KIRREL3: variants seen among roughly 807,000 people sequenced by gnomAD.
KIRREL3 encodes the protein kirre like nephrin family adhesion molecule 3, also known as kin of IRRE-like protein 3.
A neutral mutation model predicts 89.7 loss-of-function variants in KIRREL3; 36 were observed. The observed-to-expected ratio is 0.40, with a 90% CI of 0.31 to 0.53. The LOEUF is 0.53. Ranked by LOEUF, KIRREL3 falls within the 20% of genes least tolerant of loss-of-function variation. KIRREL3 has a pLI of 0.49. For synonymous variants in KIRREL3, 445 were observed against 441.4 expected (o/e 1.01, Z -0.10); for missense variants, 864 against 1,056.6 (o/e 0.82, Z 2.53).
intron 2 of KIRREL3, among the ~76,000 whole-genome samples, chr11:126,552,901 G>GAA (rs1210889107): frequency 6.6e-6 from 1 of 151,742 alleles, no homozygotes; most frequent in Non-Finnish European, 1.5e-5. Context: ...GGGAAAGAAA[G>GAA]AAAAAAATAG....
Position 126,740,932 on chromosome 11 carries a change from A to G in KIRREL3, c.56-178020T>C, listed in dbSNP as rs909658768. 6.6e-6 allele frequency among the ~76,000 whole-genome samples: 1 copy of G among 152,156 alleles called. No individual in the cohort carries two copies. The highest frequency in any genetic ancestry group is 6.5e-5 in the Admixed American group (1 of 15,268). ...GTAGAGTGAGTGACAAGGTTCTTGG[A>G]AATATCATCAGATAGTGCTTACTTT... On this transcript the variant is annotated intron_variant, in intron 1 of 16. Coordinates refer to ENST00000525144, the MANE Select transcript of KIRREL3 (RefSeq NM_032531.4). This position sits in a 1 kb window ranked among gnomAD's most constrained non-coding sequence, Gnocchi z 6.0.
intron 1 of KIRREL3, among the ~76,000 whole-genome samples, chr11:126,599,124 T>A (rs1312803539): frequency 6.6e-6 from 1 of 152,226 alleles, no homozygotes; most frequent in Non-Finnish European, 1.5e-5. Flanking sequence ...ATCTGCTGTT[T>A]CAAGCTGCTA....
chr11:126,588,223 A>T (rs1382316869), intron 1 of KIRREL3, among the ~76,000 whole-genome samples: 1 of 152,192 alleles, frequency 6.6e-6, no homozygotes, highest in Non-Finnish European at 1.5e-5. Context: ...CAAAGTCCTG[A>T]TCAAAGTCTG....
In KIRREL3 at chr11:126,640,687, A is replaced by G. The variant is rs1395183817; in HGVS notation, c.56-77775T>C. 6.6e-6 allele frequency among the ~76,000 whole-genome samples: 1 copy of G among 152,088 alleles called. No individual in the cohort carries two copies. Among genetic ancestry groups the G allele is most frequent in the African/African-American group, 2.4e-5 (1 of 41,410 alleles). ...TGCTGTTTCACATGGGTTCTTTCTG[A>G]ATCTGGAATGAACCATGGGACCCTT... On this transcript the variant is annotated intron_variant, in intron 1 of 16. Coordinates refer to ENST00000525144, the MANE Select transcript of KIRREL3 (RefSeq NM_032531.4). This position sits in a 1 kb window ranked among gnomAD's most constrained non-coding sequence, Gnocchi z 4.9.
intron 1 of KIRREL3, among the ~76,000 whole-genome samples, chr11:126,572,192 C>CT (rs1940984177): frequency 6.6e-6 from 1 of 152,230 alleles, no homozygotes; most frequent in Admixed American, 6.5e-5. Context: ...AAGACTAAGA[C>CT]TGAAGGCAAT....
chr11:126,592,711 G>C (rs1384655029), intron 1 of KIRREL3, among the ~76,000 whole-genome samples: 1 of 152,214 alleles, frequency 6.6e-6, no homozygotes, highest in Non-Finnish European at 1.5e-5. Context: ...AGCCCAGGAG[G>C]CACATCAGGG....
chr11:126,918,984 ATAT>A lies in KIRREL3; in HGVS notation c.55+81468_55+81470del, dbSNP rs1007598306. Among the ~76,000 whole-genome samples, 114 of 149,530 alleles carry A rather than the reference ATAT, an allele frequency of 7.6e-4. No homozygotes were observed. Among genetic ancestry groups the A allele is most frequent in the Non-Finnish European group, 1.4e-3 (93 of 67,470 alleles). On this transcript the variant is annotated intron_variant, in intron 1 of 16. Coordinates refer to ENST00000525144, the MANE Select transcript of KIRREL3 (RefSeq NM_032531.4). The surrounding 1 kb of genome is among the most constrained non-coding windows in gnomAD (Gnocchi z 6.5). The stretch of plus-strand genomic sequence containing the variant: ...AAGATATGTATTGTTACATCATATT[ATAT>A]TATTATTTGTATTATATATATGTAT...
At position 126,531,510 on chromosome 11, in the gene KIRREL3, C is replaced by T. The variant is rs781452546; in HGVS notation, c.134-4823G>A. On this transcript the variant is annotated intron_variant, in intron 2 of 16. Transcript: ENST00000525144. This position sits in a 1 kb window ranked among gnomAD's most constrained non-coding sequence, Gnocchi z 4.7. Reference sequence around the variant, plus strand: ...GGCTAGTCACTAAGGTCACCTGCCTCGAGTTCTCCTCGATGTTTCATTGTC... The same window carrying T: ...GGCTAGTCACTAAGGTCACCTGCCTTGAGTTCTCCTCGATGTTTCATTGTC... Among the ~76,000 whole-genome samples the T allele has an allele frequency of 1.6e-4, 24 of 152,250 alleles. No homozygotes were observed. Among genetic ancestry groups the T allele is most frequent in the Middle Eastern group, 3.4e-3 (1 of 294 alleles).
intron 1 of KIRREL3, among the ~76,000 whole-genome samples, chr11:126,851,749 C>G (rs1592223619): frequency 6.6e-6 from 1 of 152,284 alleles, no homozygotes; most frequent in East Asian, 1.9e-4. Context: ...TTAAGACATC[C>G]TGGCAGGGAG....
intron 6 of KIRREL3, among the ~76,000 whole-genome samples, chr11:126,457,021 T>C (rs1450636465): frequency 6.6e-6 from 1 of 151,948 alleles, no homozygotes; most frequent in Non-Finnish European, 1.5e-5. Flanking sequence ...AGCCAGGCTC[T>C]GAAGTGCTAA....
chr11:126,839,797 T>G (rs1447972682), intron 1 of KIRREL3, among the ~76,000 whole-genome samples: 1 of 152,214 alleles, frequency 6.6e-6, no homozygotes, highest in South Asian at 2.1e-4. Flanking sequence ...TACGCTAAAA[T>G]GTACATGCAC....
intron 1 of KIRREL3, among the ~76,000 whole-genome samples, chr11:126,618,556 T>C (rs1048057244): frequency 6.6e-6 from 1 of 152,176 alleles, no homozygotes; most frequent in Non-Finnish European, 1.5e-5. Context: ...TGCGTCAGCC[T>C]CCTGAGTAGC....
At position 126,684,966 on chromosome 11, in the gene KIRREL3, C is replaced by G. The variant is rs1391490822; in HGVS notation, c.56-122054G>C. ...CTTTTGTCCTCTTCTCTCTTCCTCT[C>G]TCCCTCATTTCTGGCTTCCCTCTTT... On this transcript the variant is annotated intron_variant, in intron 1 of 16. Transcript: ENST00000525144. This position sits in a 1 kb window ranked among gnomAD's most constrained non-coding sequence, Gnocchi z 4.2. Among the ~76,000 whole-genome samples the G allele has an allele frequency of 6.6e-6, 1 of 152,130 alleles. No homozygotes were observed. The highest frequency in any genetic ancestry group is 1.5e-5 in the Non-Finnish European group (1 of 68,024).
chr11:126,745,495 CAAA>C (rs66469913), intron 1 of KIRREL3, among the ~76,000 whole-genome samples: 1 of 148,600 alleles, frequency 6.7e-6, no homozygotes, highest in Middle Eastern at 3.6e-3. Context: ...AACAGAAAAA[CAAA>C]AAAAAAAAAC....
In KIRREL3 at chr11:126,895,967, T is replaced by C. The variant is rs547664330; in HGVS notation, c.55+104488A>G. 2.0e-5 allele frequency among the ~76,000 whole-genome samples: 3 copies of C among 152,300 alleles called. No individual in the cohort carries two copies. The South Asian group carries it at 6.2e-4, about 32-fold the overall frequency. ...TGTTGTCACTAGAGCGAATGGCAAATTCTCATAGCTAGATAATGCAGAAAT... is the reference window on the plus strand; with the variant it reads ...TGTTGTCACTAGAGCGAATGGCAAACTCTCATAGCTAGATAATGCAGAAAT... On this transcript the variant is annotated intron_variant, in intron 1 of 16. Transcript: ENST00000525144.
intron 1 of KIRREL3, among the ~76,000 whole-genome samples, chr11:126,962,055 C>A (rs921814144): frequency 6.6e-6 from 1 of 152,184 alleles, no homozygotes; most frequent in Non-Finnish European, 1.5e-5. Flanking sequence ...CCTCGTCACC[C>A]AAGGGCTGTG....
rs998913609 is a variant in KIRREL3 at position 126,780,655 on chromosome 11, C to G, written c.56-217743G>C. On this transcript the variant is annotated intron_variant, in intron 1 of 16. Transcript: ENST00000525144. The surrounding 1 kb of genome is among the most constrained non-coding windows in gnomAD (Gnocchi z 5.3). The stretch of plus-strand genomic sequence containing the variant: ...GTGCCCAGATGCCCACATCTGGCAA[C>G]AGATCCATCTCCTTGAGACACAAGC... 3.9e-5 allele frequency among the ~76,000 whole-genome samples: 6 copies of G among 152,212 alleles called. No homozygotes were observed. The highest frequency in any genetic ancestry group is 1.4e-4 in the African/African-American group (6 of 41,456).
rs1445838827 is a variant in KIRREL3 at position 126,969,451 on chromosome 11, C to T, written c.55+31004G>A. Among the ~76,000 whole-genome samples, 1 of 152,076 alleles carries T rather than the reference C, an allele frequency of 6.6e-6. No individual in the cohort carries two copies. The highest frequency in any genetic ancestry group is 1.5e-5 in the Non-Finnish European group (1 of 68,024). ...AAAAAGCCACTGAGGAGGTGACACC[C>T]AGCGGTATCTGGAAGAATGAACAGG... is the stretch of plus-strand genomic sequence containing the variant. On this transcript the variant is annotated intron_variant, in intron 1 of 16. Coordinates refer to ENST00000525144, the MANE Select transcript of KIRREL3 (RefSeq NM_032531.4). This position sits in a 1 kb window ranked among gnomAD's most constrained non-coding sequence, Gnocchi z 4.9.
chr11:126,951,135 C>T (rs1221872942), intron 1 of KIRREL3, among the ~76,000 whole-genome samples: 1 of 152,160 alleles, frequency 6.6e-6, no homozygotes, highest in African/African-American at 2.4e-5. Context: ...TTTTGGGGGG[C>T]CATCATCTCT....
Sources: gnomAD v4.1 joint callset for allele counts (sites outside exome capture counted in the v4.1 genomes callset) on GRCh38, gnomAD v4.1.1 for gene constraint, Gnocchi (gnomAD v3.1) non-coding constraint, MANE v1.5 for transcripts, NCBI Gene and HGNC (gene_info 2026-07-23, HGNC 2026-07-21) for gene names.